Variants in VPS13B observed in about 807,000 individuals in gnomAD.
The protein encoded by VPS13B is vacuolar protein sorting 13 homolog B.
In VPS13B, 285 loss-of-function variants were observed where a neutral mutation model predicts 426.4. The ratio of observed to expected loss-of-function variants is 0.67; its 90% CI spans 0.61 to 0.74. The LOEUF is 0.74. VPS13B is among the 30% of genes least tolerant of loss of function. The probability of loss-of-function intolerance (pLI) is 0.00; values close to 1 mark genes in which losing one functional copy is unlikely to be tolerated. For missense variants in VPS13B, 4,537 were observed against 4,782.6 expected (o/e 0.95, Z 1.51); for synonymous variants, 1,676 against 1,676.4 (o/e 1.00, Z 0.01).
intron 43 of VPS13B, among the ~76,000 whole-genome samples, chr8:99,784,751 G>C (rs1370027296): frequency 1.3e-5 from 2 of 152,082 alleles, no homozygotes; most frequent in African/African-American, 4.8e-5. Flanking sequence ...GATCCTAGCT[G>C]TGTGTAACCT....
intron 8 of VPS13B, among the ~76,000 whole-genome samples, chr8:99,124,487 A>C (rs1205620491): frequency 6.6e-6 from 1 of 152,218 alleles, no homozygotes; most frequent in East Asian, 1.9e-4. Flanking sequence ...CAGTAGCACT[A>C]TTCAGTGATC....
intron 44 of VPS13B, among the ~76,000 whole-genome samples, chr8:99,815,405 G>A (rs1348197891): frequency 6.6e-6 from 1 of 152,000 alleles, no homozygotes. Context: ...AAGCAGTCAG[G>A]CAAAATGAGT....
At chr8:99,538,465 CAAT>C (rs1823378670) in intron 30 of VPS13B, among the ~76,000 whole-genome samples, 1 of 151,898 alleles carries the variant, frequency 6.6e-6, no homozygotes, top group African/African-American at 2.4e-5. Flanking sequence ...GACAATTTGA[CAAT>C]GATAGCTCTA....
At chr8:99,182,011 A>G (rs537825413) in intron 16 of VPS13B, among the ~76,000 whole-genome samples, 1 of 152,314 alleles carries the variant, frequency 6.6e-6, no homozygotes, top group South Asian at 2.1e-4. Context: ...AAGGGTCACC[A>G]AACACATAAA....
At chr8:99,128,390 A>C (rs1365440363) in intron 8 of VPS13B, among the ~76,000 whole-genome samples, 4 of 7,018 alleles carry the variant, frequency 5.7e-4, no homozygotes, top group Non-Finnish European at 1.3e-3. Context: ...CTGTCCCAAA[A>C]AAAAAAAAAA....
At chr8:99,125,929 T>G (rs1848169732) in intron 8 of VPS13B, among the ~76,000 whole-genome samples, 1 of 145,028 alleles carries the variant, frequency 6.9e-6, no homozygotes, top group Admixed American at 6.9e-5. Context: ...AGCTAAAGAC[T>G]TTTTTTTTTT....
intron 55 of VPS13B, among the ~76,000 whole-genome samples, chr8:99,849,247 T>C (rs1402567443): frequency 6.6e-6 from 1 of 152,204 alleles, no homozygotes; most frequent in Non-Finnish European, 1.5e-5. Context: ...TAGAGCTACA[T>C]CAAATATAAA....
intron 19 of VPS13B, among the ~76,000 whole-genome samples, chr8:99,312,283 G>T (rs898723138): frequency 2.6e-5 from 4 of 152,064 alleles, no homozygotes; most frequent in African/African-American, 9.7e-5. Context: ...TTACAATTTG[G>T]CATGTTTTTC....
chr8:99,804,005 ATAT>A (rs1813266283), intron 43 of VPS13B, among the ~76,000 whole-genome samples: 1 of 152,214 alleles, frequency 6.6e-6, no homozygotes, highest in African/African-American at 2.4e-5. Context: ...GTTTAATCTA[ATAT>A]TATTATCCCT....
intron 16 of VPS13B, among the ~76,000 whole-genome samples, chr8:99,192,278 G>A (rs1813643837): frequency 6.6e-6 from 1 of 152,192 alleles, no homozygotes; most frequent in Admixed American, 6.5e-5. Flanking sequence ...TTACTATCAA[G>A]TAGAGTCCTG....
intron 33 of VPS13B, among the ~76,000 whole-genome samples, chr8:99,582,818 G>T (rs1180884358): frequency 6.6e-6 from 1 of 152,034 alleles, no homozygotes; most frequent in Non-Finnish European, 1.5e-5. Flanking sequence ...ACCACGCCCG[G>T]CTAATTTTTT....
rs369961820 is a variant in VPS13B, at chr8:99,687,835, CT to C, written c.6047-11680del. ...CTGACTTTTGGTTCTTGTTAAGTTC[CT>C]TTTTTTTTTATGGATAATTGTTCAT... On this transcript the variant is annotated intron_variant, in intron 35 of 61. Transcript: ENST00000357162. Among the ~76,000 whole-genome samples the C allele has an allele frequency of 6.2e-3, 919 of 147,714 alleles. 22 individuals carry two copies. The highest frequency in any genetic ancestry group is 0.022 in the African/African-American group (871 of 40,264).
At chr8:99,375,058 C>T (rs1057369043) in intron 19 of VPS13B, among the ~76,000 whole-genome samples, 4 of 152,180 alleles carry the variant, frequency 2.6e-5, no homozygotes, top group Non-Finnish European at 5.9e-5. Context: ...GGGTCTTTCT[C>T]ATCTCTCCAG....
intron 17 of VPS13B, among the ~76,000 whole-genome samples, chr8:99,204,938 A>G (rs974593266): frequency 1.3e-5 from 2 of 152,212 alleles, no homozygotes; most frequent in Non-Finnish European, 2.9e-5. Context: ...ATTGTGGAAG[A>G]TAGTGTGGCA....
At chr8:99,133,508 C>G (rs1171568515) in intron 8 of VPS13B, among the ~76,000 whole-genome samples, 2 of 152,200 alleles carry the variant, frequency 1.3e-5, no homozygotes, top group African/African-American at 4.8e-5. Flanking sequence ...ACTGGGCCAA[C>G]TGTTTGGCTC....
intron 3 of VPS13B, among the ~76,000 whole-genome samples, chr8:99,053,471 C>G (rs1369398339): frequency 6.6e-6 from 1 of 152,012 alleles, no homozygotes; most frequent in African/African-American, 2.4e-5. Flanking sequence ...AGGACATGAA[C>G]TCATCATTTT....
chr8:99,040,663 T>C (rs1483318327), intron 3 of VPS13B, among the ~76,000 whole-genome samples: 1 of 152,178 alleles, frequency 6.6e-6, no homozygotes, highest in Non-Finnish European at 1.5e-5. Context: ...TATTTCAAGT[T>C]ATTACATTGT....
rs200941251 is a variant in VPS13B at position 99,784,321 on chromosome 8, T to C, written c.7786T>C (p.Cys2596Arg). Residue 2596 changes from cysteine (C) to arginine (R), a missense_variant, in exon 43 of 62, where the codon TGC becomes CGC. Coordinates refer to ENST00000357162, the MANE Select transcript of VPS13B (RefSeq NM_152564.5). Reference protein sequence around the residue: ...TAIQAWQQNKCPEVEELVFSH... With the variant: ...TAIQAWQQNKRPEVEELVFSH... The stretch of plus-strand genomic sequence containing the variant: ...CGTATCCTTTTTCTTTCAGAACAAA[T>C]GCCCTGAGGTAGAGGAGTTGGTCTT... The C allele has an allele frequency of 1.2e-6, 2 of 1,613,630 alleles. No homozygotes were observed. Among genetic ancestry groups the C allele is most frequent in the East Asian group, 4.5e-5 (2 of 44,870 alleles).
intron 54 of VPS13B, among the ~76,000 whole-genome samples, chr8:99,842,058 C>A (rs1388008039): frequency 6.6e-6 from 1 of 152,190 alleles, no homozygotes; most frequent in African/African-American, 2.4e-5. Flanking sequence ...CTTTCAAAGT[C>A]TAAGTCTATA....
Sources: gnomAD v4.1 joint callset for allele counts (sites outside exome capture counted in the v4.1 genomes callset) on GRCh38, gnomAD v4.1.1 for gene constraint, MANE v1.5 for transcripts, NCBI Gene and HGNC (gene_info 2026-07-23, HGNC 2026-07-21) for gene names.